THAP12: variants seen among roughly 807,000 people sequenced by gnomAD.
The protein encoded by THAP12 is 52 kDa repressor of the inhibitor of the protein kinase.
In THAP12, 20 loss-of-function variants were observed where a neutral mutation model predicts 63.0. That is an observed-to-expected ratio of 0.32 (90% CI 0.22 to 0.46). The LOEUF is 0.46. Ranked by LOEUF, THAP12 falls within the 20% of genes least tolerant of loss-of-function variation. The probability of loss-of-function intolerance (pLI) is 1.00; values close to 1 mark genes in which losing one functional copy is unlikely to be tolerated. For missense variants in THAP12, 568 were observed against 908.2 expected (o/e 0.63, Z 4.81); for synonymous variants, 264 against 328.4 (o/e 0.80, Z 2.12).
At chr11:76,367,615 G>A (rs1293148408) in intron 1 of THAP12, among the ~76,000 whole-genome samples, 1 of 150,924 alleles carries the variant, frequency 6.6e-6, no homozygotes, top group Non-Finnish European at 1.5e-5. Flanking sequence ...TACAGATGGG[G>A]TTTCAGCACG....
At chr11:76,371,525 T>A (rs1336026891) in intron 1 of THAP12, among the ~76,000 whole-genome samples, 1 of 152,180 alleles carries the variant, frequency 6.6e-6, no homozygotes, top group Non-Finnish European at 1.5e-5. Flanking sequence ...ATATCTCAAC[T>A]CCCTACATTT....
At chr11:76,354,010 A>G (rs1056202408) in intron 4 of THAP12, among the ~76,000 whole-genome samples, 1 of 152,252 alleles carries the variant, frequency 6.6e-6, no homozygotes, top group African/African-American at 2.4e-5. Flanking sequence ...CTCCGTCTCA[A>G]AAAGAAAAAA....
At chr11:76,366,006 G>A (rs775041423) in intron 1 of THAP12, 34 bp from the exon 2 acceptor site, 2 of 1,602,558 alleles carry the variant, frequency 1.2e-6, no homozygotes, top group East Asian at 2.2e-5. Flanking sequence ...TTATGAAAAT[G>A]AGCTCAGCAT....
intron 1 of THAP12, among the ~76,000 whole-genome samples, chr11:76,379,463 C>T (rs1246788169): frequency 2.0e-5 from 3 of 152,198 alleles, no homozygotes; most frequent in Non-Finnish European, 4.4e-5. Context: ...CCCTACCATA[C>T]ACACACCTTT....
At chr11:76,380,674 C>T (rs1474879053) in intron 1 of THAP12, 74 bp downstream of exon 1, 34 of 1,190,162 alleles carry the variant, frequency 2.9e-5, no homozygotes, top group Non-Finnish European at 3.7e-5. Context: ...CCCGGGAGCC[C>T]GCCAGGGGCC....
chr11:76,361,701 C>T (rs1299545597), intron 2 of THAP12, among the ~76,000 whole-genome samples: 1 of 152,184 alleles, frequency 6.6e-6, no homozygotes. Context: ...ACAATGCTTG[C>T]CATTTCAGTT....
At chr11:76,380,118 T>C (rs1946741837) in intron 1 of THAP12, among the ~76,000 whole-genome samples, 1 of 152,182 alleles carries the variant, frequency 6.6e-6, no homozygotes, top group African/African-American at 2.4e-5. Context: ...GTGTGGGGGT[T>C]ATCCGAAGGA....
intron 1 of THAP12, among the ~76,000 whole-genome samples, chr11:76,369,600 C>T (rs771834079): frequency 5.3e-5 from 8 of 152,238 alleles, no homozygotes; most frequent in Non-Finnish European, 1.5e-5. Context: ...GATAATGCAG[C>T]TCAATGTGCC....
chr11:76,354,025 A>G (rs1590799248), intron 4 of THAP12, among the ~76,000 whole-genome samples: 1 of 152,226 alleles, frequency 6.6e-6, no homozygotes, highest in South Asian at 2.1e-4. Context: ...AAAAAAGACT[A>G]TGGAGGGCGG....
intron 1 of THAP12, among the ~76,000 whole-genome samples, chr11:76,375,531 C>T (rs1320479040): frequency 6.6e-6 from 1 of 151,974 alleles, no homozygotes; most frequent in Non-Finnish European, 1.5e-5. Context: ...ACACCATACA[C>T]TTTATTAATT....
intron 4 of THAP12, among the ~76,000 whole-genome samples, chr11:76,353,520 A>C (rs1946541022): frequency 6.6e-6 from 1 of 152,246 alleles, no homozygotes. Flanking sequence ...ACAAACCAGT[A>C]TAATATAAAG....
At chr11:76,362,686 C>A (rs1484166530) in intron 2 of THAP12, among the ~76,000 whole-genome samples, 2 of 152,262 alleles carry the variant, frequency 1.3e-5, no homozygotes, top group Non-Finnish European at 2.9e-5. Flanking sequence ...CATACACAGT[C>A]AATTCTTGAT....
intron 1 of THAP12, among the ~76,000 whole-genome samples, chr11:76,370,985 C>G (rs959928493): frequency 6.6e-6 from 1 of 152,068 alleles, no homozygotes; most frequent in African/African-American, 2.4e-5. Flanking sequence ...TTTCCCAGCT[C>G]TCCCTGTCAT....
intron 1 of THAP12, among the ~76,000 whole-genome samples, chr11:76,370,779 A>G (rs1048005004): frequency 6.7e-6 from 1 of 148,430 alleles, no homozygotes; most frequent in African/African-American, 2.5e-5. Flanking sequence ...CCAAGATCGC[A>G]CCACTGCACT....
chr11:76,372,012 TA>T (rs1171025764), intron 1 of THAP12, among the ~76,000 whole-genome samples: 1 of 151,840 alleles, frequency 6.6e-6, no homozygotes, highest in African/African-American at 2.4e-5. Context: ...GGGGTTTCGC[TA>T]TGTTGGCCAG....
At chr11:76,370,820 CA>C (rs758821570) in intron 1 of THAP12, among the ~76,000 whole-genome samples, 3 of 52,756 alleles carry the variant, frequency 5.7e-5, no homozygotes, top group Non-Finnish European at 8.2e-5. Context: ...GACTCCGTCT[CA>C]AAAAAAAAGA....
chr11:76,367,988 T>C (rs1946643654), intron 1 of THAP12, among the ~76,000 whole-genome samples: 1 of 152,256 alleles, frequency 6.6e-6, no homozygotes, highest in Non-Finnish European at 1.5e-5. Flanking sequence ...ATTATGATTA[T>C]AAACATTTCA....
At chr11:76,361,604 G>A (rs374952681) in intron 2 of THAP12, among the ~76,000 whole-genome samples, 54 of 152,086 alleles carry the variant, frequency 3.6e-4, no homozygotes, top group African/African-American at 1.3e-3. Flanking sequence ...TTCCCTTTTT[G>A]GGCCCCAGTT....
chr11:76,373,880 TTTA>T (rs1946690922), intron 1 of THAP12, among the ~76,000 whole-genome samples: 1 of 152,298 alleles, frequency 6.6e-6, no homozygotes. Flanking sequence ...TTTAAAAATA[TTTA>T]TTAATTCATT....
Sources: gnomAD v4.1 joint callset for allele counts (sites outside exome capture counted in the v4.1 genomes callset) on GRCh38, gnomAD v4.1.1 for gene constraint, MANE v1.5 for transcripts, NCBI Gene and HGNC (gene_info 2026-07-23, HGNC 2026-07-21) for gene names.